Variants in COQ7 observed in about 807,000 individuals in gnomAD.
COQ7 encodes the protein coenzyme Q7, hydroxylase.
A neutral mutation model predicts 25.0 loss-of-function variants in COQ7; 21 were observed. That is an observed-to-expected ratio of 0.84 (90% CI 0.60 to 1.21). The LOEUF is 1.21. COQ7 is among the 50% of genes most tolerant of loss of function. The pLI is 0.00. For synonymous variants in COQ7, 125 were observed against 112.4 expected (o/e 1.11, Z -0.71); for missense variants, 311 against 296.2 (o/e 1.05, Z -0.37).
rs1331622038 is a variant in COQ7 at position 19,078,454 on chromosome 16, T to C, written c.*296T>C. On this transcript the variant is annotated 3_prime_UTR_variant, in exon 6 of 6. Transcript: ENST00000321998. ...TATACATGTTTTTCTTTTACATGCA[T>C]ATATATATATTTTATTTTATTTTAT... 1 of 173,248 alleles carries C rather than the reference T, an allele frequency of 5.8e-6. No individual in the cohort carries two copies. The highest frequency in any genetic ancestry group is 1.2e-5 in the Non-Finnish European group (1 of 82,696). 10.7% of individuals were successfully genotyped at this position (173,248 alleles called of 1,614,324 possible).
In COQ7 at chr16:19,078,766, A is replaced by C. The variant is rs914891208; in HGVS notation, c.*608A>C. On this transcript the variant is annotated 3_prime_UTR_variant, in exon 6 of 6. Coordinates refer to ENST00000321998, the MANE Select transcript of COQ7 (RefSeq NM_016138.5). ...TTCACCAGGCCCATTTTCTCCTAAA[A>C]CTTCAAGGACAAATCATTAATAATG... is the stretch of plus-strand genomic sequence containing the variant. 1 of 152,124 alleles carries C rather than the reference A, an allele frequency of 6.6e-6. No individual in the cohort carries two copies. Among genetic ancestry groups the C allele is most frequent in the African/African-American group, 2.4e-5 (1 of 41,426 alleles). 9.4% of individuals were successfully genotyped at this position (152,124 alleles called of 1,614,324 possible). A position where few individuals can be genotyped will look rare whatever the true frequency, so the allele number is the denominator to read the frequency against.
chr16:19,071,820 TG>T, intron 1 of COQ7, 107 bp from the exon 2 acceptor site: 1 of 1,229,340 alleles, frequency 8.1e-7, no homozygotes, highest in Non-Finnish European at 1.2e-6. Context: ...GCCTGGCCCA[TG>T]GGGAACTGAT....
chr16:19,069,030 G>T (rs1962407623), intron 1 of COQ7, among the ~76,000 whole-genome samples: 1 of 152,172 alleles, frequency 6.6e-6, no homozygotes, highest in African/African-American at 2.4e-5. Context: ...TAATGAAAGA[G>T]ATTGCAAGAG....
At position 19,075,867 on chromosome 16, in the gene COQ7, A is replaced by T. The variant is rs1308642771; in HGVS notation, c.507+7A>T. The T allele has an allele frequency of 6.8e-6, 11 of 1,614,096 alleles. No individual in the cohort carries two copies. The highest frequency in any genetic ancestry group is 9.3e-6 in the Non-Finnish European group (11 of 1,180,028). On this transcript the variant is annotated splice_region_variant and intron_variant, in intron 4 of 5. Transcript: ENST00000321998. ...ATACGAGGAACTTCTTCAGGTATTT[A>T]TCCGTGCTCTAGAACGGGGCTGCTC...
At chr16:19,073,622 A>G (rs1962678441) in intron 2 of COQ7, among the ~76,000 whole-genome samples, 1 of 152,132 alleles carries the variant, frequency 6.6e-6, no homozygotes, top group Non-Finnish European at 1.5e-5. Context: ...ATGTGTGTAG[A>G]CCCTTGTCAT....
intron 5 of COQ7, 31 bp from the exon 6 acceptor site, chr16:19,078,050 T>C (rs1352140717): frequency 6.4e-7 from 1 of 1,558,920 alleles, no homozygotes; most frequent in Non-Finnish European, 8.7e-7. Flanking sequence ...GCACATAACA[T>C]GTTTCTTTGT....
At chr16:19,074,545 CA>C (rs1170954172) in intron 3 of COQ7, among the ~76,000 whole-genome samples, 7 of 149,962 alleles carry the variant, frequency 4.7e-5, no homozygotes, top group Non-Finnish European at 1.0e-4. Context: ...CAAAACAAAA[CA>C]AAAAAAAACA....
rs1963059456 is a variant in COQ7 at position 19,080,095 on chromosome 16, A to C, written c.*1937A>C. On this transcript the variant is annotated 3_prime_UTR_variant, in exon 6 of 6. Coordinates refer to ENST00000321998, the MANE Select transcript of COQ7 (RefSeq NM_016138.5). ...ATAAAAGCACAACAAGGTTTTCTTA[A>C]GGTACTGATCTGCTCTTTAACAAGA... 1 of 152,172 alleles carries C rather than the reference A, an allele frequency of 6.6e-6. No individual in the cohort carries two copies. Among genetic ancestry groups the C allele is most frequent in the Non-Finnish European group, 1.5e-5 (1 of 68,028 alleles). 9.4% of individuals were successfully genotyped at this position (152,172 alleles called of 1,614,324 possible). A position where few individuals can be genotyped will look rare whatever the true frequency, so the allele number is the denominator to read the frequency against.
chr16:19,069,409 C>CTTTTTT (rs67523316), intron 1 of COQ7, among the ~76,000 whole-genome samples: 12 of 119,350 alleles, frequency 1.0e-4, no homozygotes, highest in Non-Finnish European at 1.3e-4. Context: ...TGATTATTGC[C>CTTTTTT]TTTTTTTTTT....
At chr16:19,072,630 C>A (rs865901167) in intron 2 of COQ7, among the ~76,000 whole-genome samples, 1 of 152,076 alleles carries the variant, frequency 6.6e-6, no homozygotes, top group Non-Finnish European at 1.5e-5. Flanking sequence ...GGTAAGGAAC[C>A]GGGTCTGGCC....
rs571633829 is a variant in COQ7 at position 19,067,795 on chromosome 16, G to A, written c.73+58G>A. 7.0e-6 allele frequency: 11 copies of A among 1,574,900 alleles called. No individual in the cohort carries two copies. The Admixed American group carries it at 1.5e-4, about 22-fold the overall frequency. On this transcript the variant is annotated intron_variant, in intron 1 of 5. Coordinates refer to ENST00000321998, the MANE Select transcript of COQ7 (RefSeq NM_016138.5). The stretch of plus-strand genomic sequence containing the variant: ...CGGTCTAGCGAGCTAGGGAATTTTC[G>A]CTTGAGGTTTGGGTCGAAGAGGTCA...
At chr16:19,069,975 G>A (rs1962471243) in intron 1 of COQ7, among the ~76,000 whole-genome samples, 1 of 151,578 alleles carries the variant, frequency 6.6e-6, no homozygotes. Context: ...GTAGAGATGG[G>A]TTTTCACCAT....
At chr16:19,072,814 C>G (rs1171911955) in intron 2 of COQ7, among the ~76,000 whole-genome samples, 1 of 152,218 alleles carries the variant, frequency 6.6e-6, no homozygotes, top group Non-Finnish European at 1.5e-5. Context: ...TGGCCCCTGG[C>G]ACTTAGGACG....
chr16:19,069,772 CAT>C (rs1199023118), intron 1 of COQ7, among the ~76,000 whole-genome samples: 1 of 151,618 alleles, frequency 6.6e-6, no homozygotes, highest in African/African-American at 2.4e-5. Flanking sequence ...AGATGGGACA[CAT>C]GTTTTATGCT....
Position 19,078,308 on chromosome 16 carries a change from T to C in COQ7, c.*150T>C. ...GGTTTGTTTTTTTTTTTTTAAACTCTGCAGTGTTGATTTTTCTCTGGGTTG... is the reference window on the plus strand; with the variant it reads ...GGTTTGTTTTTTTTTTTTTAAACTCCGCAGTGTTGATTTTTCTCTGGGTTG... On this transcript the variant is annotated 3_prime_UTR_variant, in exon 6 of 6. Transcript: ENST00000321998. 3.5e-6 allele frequency: 2 copies of C among 563,758 alleles called. No individual in the cohort carries two copies. Among genetic ancestry groups the C allele is most frequent in the Non-Finnish European group, 2.8e-6 (1 of 353,542 alleles). 34.9% of individuals were successfully genotyped at this position (563,758 alleles called of 1,614,324 possible).
At chr16:19,068,186 C>T (rs986209148) in intron 1 of COQ7, 1 of 1,027,116 alleles carries the variant, frequency 9.7e-7, no homozygotes, top group Admixed American at 5.2e-5. Flanking sequence ...GGCCCCACCC[C>T]GACCTACTTG....
intron 4 of COQ7, 83 bp from the exon 5 acceptor site, chr16:19,077,223 A>T (rs1008179835): frequency 1.6e-6 from 2 of 1,225,834 alleles, no homozygotes; most frequent in Admixed American, 1.7e-5. Flanking sequence ...AGGCCATAAT[A>T]AGAGGCTTTA....
At chr16:19,071,790 C>A in intron 1 of COQ7, 138 bp from the exon 2 acceptor site, 1 of 849,038 alleles carries the variant, frequency 1.2e-6, no homozygotes, top group Non-Finnish European at 1.9e-6. Flanking sequence ...GTAGGTTAAA[C>A]AGAGTCCGTT....
At chr16:19,068,037 G>GT in intron 1 of COQ7, 1 of 1,260,280 alleles carries the variant, frequency 7.9e-7, no homozygotes, top group Non-Finnish European at 1.0e-6. Flanking sequence ...GTCGAGGACA[G>GT]TTGGCGACAC....
Sources: allele counts gnomAD v4.1 joint callset (sites outside exome capture counted in the v4.1 genomes callset), GRCh38; gene constraint gnomAD v4.1.1; transcripts MANE v1.5; gene names NCBI Gene and HGNC (gene_info 2026-07-23, HGNC 2026-07-21).